TESK2: variants seen among roughly 807,000 people sequenced by gnomAD.
TESK2 encodes dual specificity testis-specific protein kinase 2.
In TESK2, 39 loss-of-function variants were observed where a neutral mutation model predicts 57.1. That is an observed-to-expected ratio of 0.68 (90% CI 0.53 to 0.89). The LOEUF (loss-of-function observed/expected upper bound fraction) is 0.89. TESK2 is among the 40% of genes least tolerant of loss of function. The pLI is 0.00. For synonymous variants in TESK2, 249 were observed against 267.9 expected, an observed-to-expected ratio of 0.93 and a Z score of 0.69; for missense variants, 646 against 732.1, an observed-to-expected ratio of 0.88 and a Z score of 1.36.
intron 5 of TESK2, among the ~76,000 whole-genome samples, chr1:45,350,689 C>T (rs1196871226): frequency 6.6e-6 from 1 of 152,166 alleles, no homozygotes; most frequent in East Asian, 1.9e-4. Context: ...TCAATCCTAC[C>T]ATGTGATCTC....
chr1:45,356,914 C>T (rs1647446909), intron 4 of TESK2, among the ~76,000 whole-genome samples: 1 of 152,066 alleles, frequency 6.6e-6, no homozygotes, highest in East Asian at 1.9e-4. Context: ...AGAAGGACGG[C>T]CGGGCGCAAT....
chr1:45,362,494 G>T (rs1188611576), intron 4 of TESK2, among the ~76,000 whole-genome samples: 2 of 152,052 alleles, frequency 1.3e-5, no homozygotes, highest in Non-Finnish European at 1.5e-5. Flanking sequence ...AAGACAAAAT[G>T]GTAGTTTTAA....
chr1:45,401,557 C>T (rs1159574963), intron 3 of TESK2, among the ~76,000 whole-genome samples: 1 of 152,060 alleles, frequency 6.6e-6, no homozygotes, highest in African/African-American at 2.4e-5. Flanking sequence ...TTACTTACTG[C>T]TTACCTACAA....
At chr1:45,436,816 T>A (rs1490701284) in intron 2 of TESK2, among the ~76,000 whole-genome samples, 1 of 144,868 alleles carries the variant, frequency 6.9e-6, no homozygotes, top group Non-Finnish European at 1.5e-5. Context: ...TTTTTTTTTT[T>A]AGACAGAGTC....
At chr1:45,415,088 C>T (rs757476223) in intron 3 of TESK2, 11 of 1,409,984 alleles carry the variant, frequency 7.8e-6, no homozygotes, top group Admixed American at 3.4e-5. Context: ...ACGTCTCCTT[C>T]GAGCTGTTTG....
At chr1:45,395,356 G>A (rs574300608) in intron 3 of TESK2, among the ~76,000 whole-genome samples, 1 of 152,220 alleles carries the variant, frequency 6.6e-6, no homozygotes, top group African/African-American at 2.4e-5. Flanking sequence ...GAATACTGTA[G>A]ACAACTGCAA....
At chr1:45,421,356 T>A (rs1411403407) in intron 3 of TESK2, among the ~76,000 whole-genome samples, 2 of 152,200 alleles carry the variant, frequency 1.3e-5, no homozygotes, top group Non-Finnish European at 2.9e-5. Context: ...TTATTGCCAC[T>A]CATTGATTTA....
chr1:45,451,958 G>A (rs925387173), intron 2 of TESK2, among the ~76,000 whole-genome samples: 24 of 148,210 alleles, frequency 1.6e-4, no homozygotes, highest in Admixed American at 1.3e-3. Context: ...ACTTGAATCC[G>A]GGAGGCAGAG....
chr1:45,406,124 T>C (rs1198476774), intron 3 of TESK2, among the ~76,000 whole-genome samples: 1 of 151,996 alleles, frequency 6.6e-6, no homozygotes, highest in South Asian at 2.1e-4. Flanking sequence ...CTCAGCTACT[T>C]GGCAGGCTGA....
intron 2 of TESK2, among the ~76,000 whole-genome samples, chr1:45,448,265 A>G (rs958375136): frequency 6.6e-6 from 1 of 151,182 alleles, no homozygotes; most frequent in African/African-American, 2.4e-5. Flanking sequence ...AGAAAAAAGA[A>G]AAAGAAAACA....
rs149092251 is a variant in TESK2, at chr1:45,452,653, A to C, written c.222+4911T>G. 9.7e-3 allele frequency among the ~76,000 whole-genome samples: 1,475 copies of C among 152,194 alleles called. 4 individuals are homozygous for C. Among genetic ancestry groups the C allele is most frequent in the Non-Finnish European group, 0.016 (1,055 of 67,990 alleles). Reference sequence around the variant, plus strand: ...CCTGGGCACGGTGGCTAACGCCTATAACCCAGCATTTTGGACTTTGGGAGG... The same window carrying C: ...CCTGGGCACGGTGGCTAACGCCTATCACCCAGCATTTTGGACTTTGGGAGG... On this transcript the variant is annotated intron_variant, in intron 2 of 10. Transcript: ENST00000372086.
chr1:45,485,326 G>C (rs1420006228), intron 1 of TESK2, among the ~76,000 whole-genome samples: 1 of 150,076 alleles, frequency 6.7e-6, no homozygotes, highest in Admixed American at 6.6e-5. Context: ...TAGCTGGGAC[G>C]ACATACATGT....
rs542095010 is a variant in TESK2 at position 45,456,596 on chromosome 1, A to T, written c.222+968T>A. 7.9e-5 allele frequency among the ~76,000 whole-genome samples: 12 copies of T among 152,230 alleles called. 1 individual carries two copies. The highest frequency in any genetic ancestry group is 1.3e-4 in the Non-Finnish European group (9 of 67,994). On this transcript the variant is annotated intron_variant, in intron 2 of 10. Transcript: ENST00000372086. ...TTGGGTTTTTTTTTTCCTTAAAAGA[A>T]TTTTTTTAACATGTTAATGGTAATA...
intron 1 of TESK2, among the ~76,000 whole-genome samples, chr1:45,483,051 G>A (rs981156475): frequency 6.6e-5 from 10 of 150,604 alleles, no homozygotes; most frequent in Admixed American, 2.7e-4. Flanking sequence ...AGGCTGAGGC[G>A]GGCAGATCAC....
chr1:45,457,339 G>GAATC (rs1652150196), intron 2 of TESK2, among the ~76,000 whole-genome samples: 2 of 152,028 alleles, frequency 1.3e-5, no homozygotes, highest in Non-Finnish European at 2.9e-5. Context: ...AGGTGGAAGA[G>GAATC]AATCCTATGT....
chr1:45,428,526 A>AT (rs1650792544), intron 2 of TESK2, among the ~76,000 whole-genome samples: 1 of 152,054 alleles, frequency 6.6e-6, no homozygotes, highest in South Asian at 2.1e-4. Context: ...TTTTTTAAAC[A>AT]GGGTCTCACT....
intron 4 of TESK2, among the ~76,000 whole-genome samples, chr1:45,356,757 G>C: frequency 6.6e-6 from 1 of 152,046 alleles, no homozygotes. Context: ...CTAAGTGAAA[G>C]ACAATATTTA....
intron 3 of TESK2, among the ~76,000 whole-genome samples, chr1:45,405,359 T>A (rs1214985435): frequency 6.6e-6 from 1 of 152,128 alleles, no homozygotes. Context: ...ACCTAAGTAA[T>A]CTGCACATGT....
At chr1:45,477,120 T>C (rs1303194447) in intron 1 of TESK2, among the ~76,000 whole-genome samples, 2 of 148,002 alleles carry the variant, frequency 1.4e-5, no homozygotes, top group African/African-American at 5.0e-5. Context: ...TTCCAGCTAC[T>C]GAGGAGCCTA....
Sources: gnomAD v4.1 joint callset for allele counts (sites outside exome capture counted in the v4.1 genomes callset) on GRCh38, gnomAD v4.1.1 for gene constraint, MANE v1.5 for transcripts, NCBI Gene and HGNC (gene_info 2026-07-23, HGNC 2026-07-21) for gene names.